DYM: variants seen among roughly 807,000 people sequenced by gnomAD.
The protein encoded by DYM is dyggve-Melchior-Clausen syndrome protein.
A neutral mutation model predicts 93.1 loss-of-function variants in DYM; 78 were observed. The observed-to-expected ratio is 0.84, with a 90% confidence interval of 0.70 to 1.01. The LOEUF is 1.01. Ranked by LOEUF, DYM falls within the 50% of genes least tolerant of loss-of-function variation. The pLI is 0.00. For missense variants in DYM, 789 were observed against 845.0 expected, an observed-to-expected ratio of 0.93 and a Z score of 0.82; for synonymous variants, 321 against 319.7, an observed-to-expected ratio of 1.00 and a Z score of -0.04.
chr18:49,060,792 G>A (rs2075926085), intron 17 of DYM, among the ~76,000 whole-genome samples: 2 of 150,036 alleles, frequency 1.3e-5, no homozygotes, highest in South Asian at 2.1e-4. Flanking sequence ...GGAGAAGGAG[G>A]GAGAGAGAGA....
chr18:49,140,311 A>G (rs1404605483), intron 15 of DYM, among the ~76,000 whole-genome samples: 1 of 152,192 alleles, frequency 6.6e-6, no homozygotes, highest in Non-Finnish European at 1.5e-5. Flanking sequence ...GAAAATGACA[A>G]ACATTTGTAA....
chr18:49,207,340 T>G (rs1175383893), intron 14 of DYM, among the ~76,000 whole-genome samples: 1 of 152,150 alleles, frequency 6.6e-6, no homozygotes, highest in Admixed American at 6.5e-5. Flanking sequence ...ATAGGAGAGA[T>G]ATGACAGGAT....
In DYM at chr18:49,036,480, C is replaced by T. The variant is rs988234983; in HGVS notation, c.*7575G>A. 1.3e-5 allele frequency among the ~76,000 whole-genome samples: 2 copies of T among 151,856 alleles called. No individual in the cohort carries two copies. Among genetic ancestry groups the T allele is most frequent in the Non-Finnish European group, 2.9e-5 (2 of 67,996 alleles). On this transcript the variant is annotated 3_prime_UTR_variant, in exon 18 of 18. Transcript: ENST00000675505. ...TACAATTTGATTAGACATATGTATA[C>T]ACCTATCACTGCAATAAAGATCATT...
At chr18:49,196,807 T>C (rs887407988) in intron 14 of DYM, among the ~76,000 whole-genome samples, 2 of 152,074 alleles carry the variant, frequency 1.3e-5, no homozygotes. Flanking sequence ...TCTATGAAGA[T>C]GCTTGCTGGA....
At chr18:49,142,636 C>G (rs1171154654) in intron 15 of DYM, among the ~76,000 whole-genome samples, 2 of 152,164 alleles carry the variant, frequency 1.3e-5, no homozygotes, top group Admixed American at 6.5e-5. Context: ...GACTTCATCT[C>G]TGTTGGACTT....
At chr18:49,430,490 C>A in intron 1 of DYM, 43 bp from the exon 2 acceptor site, 4 of 1,458,760 alleles carry the variant, frequency 2.7e-6, no homozygotes, top group Non-Finnish European at 3.8e-6. Flanking sequence ...GTTCAAAAGT[C>A]ATCATGCTTT....
Position 49,281,245 on chromosome 18 carries a change from T to A in DYM, c.1125+752A>T, listed in dbSNP as rs536411072. Among the ~76,000 whole-genome samples, 20 of 152,180 alleles carry A rather than the reference T, an allele frequency of 1.3e-4. No individual in the cohort carries two copies. In the South Asian group the frequency reaches 1.5e-3, roughly 11 times the overall value. On this transcript the variant is annotated intron_variant, in intron 10 of 17. Transcript: ENST00000675505. ...CATCAGAGAAATGCAAATCAAAACCTCAATGAGATACCATCTCACACCAGT... is the reference window on the plus strand; with the variant it reads ...CATCAGAGAAATGCAAATCAAAACCACAATGAGATACCATCTCACACCAGT...
intron 2 of DYM, chr18:49,393,762 C>T (rs945908941): frequency 2.6e-5 from 4 of 151,908 alleles, no homozygotes; most frequent in Non-Finnish European, 5.9e-5. Context: ...AAGAGAGAAA[C>T]TTCATCTCAA....
chr18:49,317,553 C>CTT (rs2062030061), intron 8 of DYM, among the ~76,000 whole-genome samples: 1 of 41,112 alleles, frequency 2.4e-5, no homozygotes, highest in Non-Finnish European at 4.3e-5. Context: ...ATCTAGATTT[C>CTT]TCTCTCTCTC....
chr18:49,178,175 G>C (rs1322324051), intron 14 of DYM, among the ~76,000 whole-genome samples: 1 of 152,066 alleles, frequency 6.6e-6, no homozygotes, highest in Non-Finnish European at 1.5e-5. Flanking sequence ...TTCTCAGAAA[G>C]CTCAGTTACT....
chr18:49,257,646 A>C (rs2094413892), intron 12 of DYM, among the ~76,000 whole-genome samples: 1 of 151,958 alleles, frequency 6.6e-6, no homozygotes, highest in East Asian at 1.9e-4. Flanking sequence ...AACCAATTCA[A>C]GACCAGCCTG....
intron 12 of DYM, among the ~76,000 whole-genome samples, chr18:49,257,334 T>A (rs1371771922): frequency 6.6e-6 from 1 of 152,192 alleles, no homozygotes; most frequent in Non-Finnish European, 1.5e-5. Context: ...ATTCCCTCCA[T>A]GGTGAATATT....
chr18:49,380,492 C>T (rs1159995552), intron 3 of DYM, among the ~76,000 whole-genome samples: 1 of 152,172 alleles, frequency 6.6e-6, no homozygotes, highest in African/African-American at 2.4e-5. Flanking sequence ...ATCCTCACAC[C>T]AACCCTCCAG....
At chr18:49,132,822 A>G (rs1279834553) in intron 15 of DYM, among the ~76,000 whole-genome samples, 1 of 152,164 alleles carries the variant, frequency 6.6e-6, no homozygotes, top group Non-Finnish European at 1.5e-5. Context: ...CAAAGGAGAA[A>G]AAAGTCATGA....
chr18:49,118,047 T>A (rs1269209888), intron 16 of DYM, among the ~76,000 whole-genome samples: 1 of 143,448 alleles, frequency 7.0e-6, no homozygotes, highest in African/African-American at 2.6e-5. Flanking sequence ...TTTACTCTCG[T>A]TGCTCAGGCC....
intron 1 of DYM, among the ~76,000 whole-genome samples, chr18:49,438,218 A>C (rs1022998921): frequency 6.6e-6 from 1 of 152,174 alleles, no homozygotes; most frequent in African/African-American, 2.4e-5. Flanking sequence ...AACACTATGA[A>C]ATCTTTCTAA....
intron 16 of DYM, among the ~76,000 whole-genome samples, chr18:49,107,986 A>G (rs1179744960): frequency 6.6e-6 from 1 of 152,196 alleles, no homozygotes; most frequent in Non-Finnish European, 1.5e-5. Context: ...TTTGTTTGGC[A>G]ATGCCCTGCC....
chr18:49,287,506 A>C (rs2145850448), intron 8 of DYM, among the ~76,000 whole-genome samples: 1 of 151,992 alleles, frequency 6.6e-6, no homozygotes, highest in Non-Finnish European at 1.5e-5. Flanking sequence ...CCAAGCAAAA[A>C]CATTAAGACA....
chr18:49,215,938 C>G (rs1036359962), intron 13 of DYM, among the ~76,000 whole-genome samples: 8 of 148,710 alleles, frequency 5.4e-5, no homozygotes, highest in African/African-American at 1.7e-4. Context: ...GGAGCCGAAG[C>G]AGGGCGAGGC....
Sources: allele counts gnomAD v4.1 joint callset (sites outside exome capture counted in the v4.1 genomes callset), GRCh38; gene constraint gnomAD v4.1.1; transcripts MANE v1.5; gene names NCBI Gene and HGNC (gene_info 2026-07-23, HGNC 2026-07-21).